BMPER: variants seen among roughly 807,000 people sequenced by gnomAD.
The protein encoded by BMPER is BMP binding endothelial regulator, also known as BMP-binding endothelial regulator protein.
Under a neutral mutation model 87.3 loss-of-function variants are expected in BMPER, and 45 were observed. The ratio of observed to expected loss-of-function variants is 0.52; its 90% CI spans 0.41 to 0.66. BMPER has a LOEUF of 0.66. Among genes scored for constraint, BMPER ranks in the 30% least tolerant of loss-of-function variants. BMPER has a pLI of 0.00. For synonymous variants in BMPER, 326 were observed against 316.2 expected, an observed-to-expected ratio of 1.03 and a Z score of -0.33; for missense variants, 784 against 867.5, an observed-to-expected ratio of 0.90 and a Z score of 1.21.
At chr7:34,121,959 A>ATTT (rs11444838) in intron 13 of BMPER, among the ~76,000 whole-genome samples, 1 of 148,688 alleles carries the variant, frequency 6.7e-6, no homozygotes, top group Admixed American at 6.7e-5. Flanking sequence ...CATCTCTACA[A>ATTT]TTTTTTTTTT....
chr7:33,910,656 A>G (rs1055288047), intron 2 of BMPER, among the ~76,000 whole-genome samples: 5 of 152,194 alleles, frequency 3.3e-5, no homozygotes, highest in Non-Finnish European at 7.3e-5. Context: ...CAGAGGTGCA[A>G]TGTAGAAATG....
intron 6 of BMPER, among the ~76,000 whole-genome samples, chr7:34,043,902 T>A (rs1787893474): frequency 1.3e-5 from 2 of 152,212 alleles, no homozygotes; most frequent in Admixed American, 6.5e-5. Context: ...CAGAAATGTT[T>A]ACTTCTGTGA....
chr7:34,083,126 T>G (rs1345223370), intron 12 of BMPER, among the ~76,000 whole-genome samples: 1 of 152,360 alleles, frequency 6.6e-6, no homozygotes, highest in African/African-American at 2.4e-5. Flanking sequence ...ATTGAGTGTA[T>G]CAGTGTTACC....
intron 13 of BMPER, among the ~76,000 whole-genome samples, chr7:34,104,060 T>G (rs548166431): frequency 6.6e-6 from 1 of 152,364 alleles, no homozygotes; most frequent in South Asian, 2.1e-4. Context: ...CCAAATGCAC[T>G]TGGTGCTTTC....
At chr7:34,042,832 C>T (rs1787867122) in intron 6 of BMPER, 1 of 152,152 alleles carries the variant, frequency 6.6e-6, no homozygotes, top group Non-Finnish European at 1.5e-5. Context: ...GTCAATGTCT[C>T]CTTACAGGAT....
At chr7:34,057,436 G>A (rs1024185638) in intron 9 of BMPER, among the ~76,000 whole-genome samples, 2 of 152,154 alleles carry the variant, frequency 1.3e-5, no homozygotes, top group Admixed American at 1.3e-4. Context: ...CATTTTAAGA[G>A]GAGAGGACTA....
chr7:33,948,165 A>C (rs894061987), intron 3 of BMPER, among the ~76,000 whole-genome samples: 1 of 152,126 alleles, frequency 6.6e-6, no homozygotes, highest in Non-Finnish European at 1.5e-5. Context: ...ATTCTCTGGT[A>C]GTTATTATAT....
intron 9 of BMPER, among the ~76,000 whole-genome samples, 198 bp from the exon 10 acceptor site, chr7:34,057,861 C>A (rs1184977085): frequency 6.6e-6 from 1 of 150,894 alleles, no homozygotes; most frequent in South Asian, 2.1e-4. Context: ...CACACACATG[C>A]TTGCACACAA....
intron 12 of BMPER, among the ~76,000 whole-genome samples, chr7:34,080,556 C>T (rs1044794716): frequency 6.6e-6 from 1 of 152,214 alleles, no homozygotes; most frequent in Non-Finnish European, 1.5e-5. Context: ...AAAATTCACA[C>T]ACCTGCTCTT....
chr7:33,948,808 C>T (rs1219161424), intron 3 of BMPER, among the ~76,000 whole-genome samples: 3 of 152,158 alleles, frequency 2.0e-5, no homozygotes, highest in Non-Finnish European at 4.4e-5. Flanking sequence ...TTATAAACTA[C>T]CCAGTCTTAG....
In BMPER at chr7:34,155,436, G is replaced by A. The variant is rs1262967749; in HGVS notation, c.*2163G>A. ...GGCCTCTTTCCCAACACTTAATCAT[G>A]GCAGCCAGGATGGGTGAATGATGAA... On this transcript the variant is annotated 3_prime_UTR_variant, in exon 15 of 15. Coordinates refer to ENST00000649409, the MANE Select transcript of BMPER (RefSeq NM_001365308.1). The A allele has an allele frequency of 2.0e-5, 3 of 152,192 alleles. No individual in the cohort carries two copies. Among genetic ancestry groups the A allele is most frequent in the African/African-American group, 7.2e-5 (3 of 41,436 alleles). The allele number at this position is 152,192 out of a possible 1,614,324, so 9.4% of individuals were successfully genotyped here.
chr7:33,951,103 A>C (rs1785009056), intron 3 of BMPER, among the ~76,000 whole-genome samples: 1 of 150,658 alleles, frequency 6.6e-6, no homozygotes. Flanking sequence ...GCTGGAGTGC[A>C]ATGGCAGGAT....
At chr7:33,953,095 G>A (rs529248123) in intron 3 of BMPER, among the ~76,000 whole-genome samples, 11 of 152,336 alleles carry the variant, frequency 7.2e-5, no homozygotes, top group South Asian at 2.1e-4. Flanking sequence ...CTGTCGGAGA[G>A]TGTCCAGGCA....
chr7:33,991,483 T>G (rs1167148603), intron 6 of BMPER, among the ~76,000 whole-genome samples: 2 of 152,240 alleles, frequency 1.3e-5, no homozygotes, highest in African/African-American at 4.8e-5. Context: ...CATTTTTTAT[T>G]GCATCTATTT....
At chr7:34,149,546 G>A (rs1005709040) in intron 14 of BMPER, among the ~76,000 whole-genome samples, 2 of 152,104 alleles carry the variant, frequency 1.3e-5, no homozygotes, top group Non-Finnish European at 1.5e-5. Context: ...AGTAATTGAG[G>A]AAGAGACAGA....
intron 6 of BMPER, among the ~76,000 whole-genome samples, chr7:33,978,624 T>A (rs1785757098): frequency 6.6e-6 from 1 of 152,202 alleles, no homozygotes; most frequent in East Asian, 1.9e-4. Context: ...AAGTGGTCTT[T>A]AGCAGCAAGA....
chr7:34,093,899 A>C (rs764732805), intron 13 of BMPER, among the ~76,000 whole-genome samples: 1 of 152,112 alleles, frequency 6.6e-6, no homozygotes, highest in Non-Finnish European at 1.5e-5. Flanking sequence ...TTCATTATTT[A>C]TGGGTGTAAA....
chr7:33,995,537 C>G (rs750811413), intron 6 of BMPER, among the ~76,000 whole-genome samples: 2 of 152,068 alleles, frequency 1.3e-5, no homozygotes, highest in Non-Finnish European at 2.9e-5. Flanking sequence ...TTCCTAAGCT[C>G]AGAAATGGAA....
chr7:33,974,667 G>A (rs1463632524), intron 5 of BMPER, 35 bp from the exon 6 acceptor site: 1 of 1,592,730 alleles, frequency 6.3e-7, no homozygotes, highest in Non-Finnish European at 8.6e-7. Context: ...GATGATGGCT[G>A]TTGCCCTAAT....
Sources: allele counts gnomAD v4.1 joint callset (sites outside exome capture counted in the v4.1 genomes callset), GRCh38; gene constraint gnomAD v4.1.1; transcripts MANE v1.5; gene names NCBI Gene and HGNC (gene_info 2026-07-23, HGNC 2026-07-21).